The following ZBTB26 variants were observed in gnomAD, a reference collection of about 807,000 sequenced individuals.
The protein encoded by ZBTB26 is zinc finger and BTB domain-containing protein 26.
In ZBTB26, 12 loss-of-function variants were observed where a neutral mutation model predicts 31.6. The ratio of observed to expected loss-of-function variants is 0.38; its 90% CI spans 0.24 to 0.61. The LOEUF (loss-of-function observed/expected upper bound fraction) is 0.61. Ranked by LOEUF, ZBTB26 falls within the 20% of genes least tolerant of loss-of-function variation. ZBTB26 has a pLI of 0.60. For synonymous variants in ZBTB26, 155 were observed against 182.9 expected (o/e 0.85, Z 1.23); for missense variants, 311 against 521.9 (o/e 0.60, Z 3.94).
chr9:122,919,692 C>T lies in ZBTB26; in HGVS notation c.243G>A (p.Gly81=). The change falls in exon 2 of 2, where the codon GGG becomes GGA. Residue 81 remains glycine (G), a synonymous_variant. Transcript: ENST00000373656. This position sits in a 1 kb window ranked among gnomAD's most constrained non-coding sequence, Gnocchi z 6.1. ...KISILQSSEV[G]RQLLLSCYSG... ...TATAACAGGATAAGAGCAATTGTCT[C>T]CCCACTTCGGAACTCTGTAATATGG... 9.9e-6 allele frequency: 16 copies of T among 1,614,178 alleles called. No individual in the cohort carries two copies. The highest frequency in any genetic ancestry group is 1.2e-5 in the Non-Finnish European group (14 of 1,180,024).
chr9:122,929,296 A>C (rs1227964166), intron 1 of ZBTB26, among the ~76,000 whole-genome samples: 4 of 152,208 alleles, frequency 2.6e-5, no homozygotes, highest in Non-Finnish European at 4.4e-5. Context: ...GAAAGAAATA[A>C]AAAACATATC....
rs1833026434 is a variant in ZBTB26, at chr9:122,917,183, C to T, written c.*1426G>A. 1 of 152,168 alleles carries T rather than the reference C, an allele frequency of 6.6e-6. No individual in the cohort carries two copies. Among genetic ancestry groups the T allele is most frequent in the Non-Finnish European group, 1.5e-5 (1 of 68,018 alleles). The allele number at this position is 152,168 out of a possible 1,614,324, so 9.4% of individuals were successfully genotyped here. A position where few individuals can be genotyped will look rare whatever the true frequency, so the allele number is the denominator to read the frequency against. ...ACAAAGGGGAAACACAAACTAGGAG[C>T]TTTTTGCTAATGCATTATTCTTCAT... On this transcript the variant is annotated 3_prime_UTR_variant, in exon 2 of 2. Transcript: ENST00000373656.
chr9:122,918,655 G>A lies in ZBTB26; in HGVS notation c.1280C>T (p.Ala427Val), dbSNP rs753051150. 1.9e-6 allele frequency: 3 copies of A among 1,614,170 alleles called. No individual in the cohort carries two copies. Among genetic ancestry groups the A allele is most frequent in the Non-Finnish European group, 1.7e-6 (2 of 1,180,014 alleles). ...ATTTCTTAAGTTCAGGACAGCTTGG[G>A]CCAGTTTACCTGCATCCAGGACCTG... ...ATQVLDAGKL[A>V]QAVLNLRNDS... The change falls in exon 2 of 2, where the codon GCC becomes GTC. Residue 427 changes from alanine (A) to valine (V), a missense_variant. This residue lies in a region of ZBTB26 where 49 missense variants were observed against 66.0 expected (regional missense o/e 0.74). Transcript: ENST00000373656.
chr9:122,918,596 A>G lies in ZBTB26; in HGVS notation c.*13T>C, dbSNP rs558635862. 64 of 1,601,300 alleles carry G rather than the reference A, an allele frequency of 4.0e-5. No individual in the cohort carries two copies. The South Asian group carries it at 6.0e-4, about 15-fold the overall frequency. ...TTGTCAGTCAGTTCGAGTTGTGAGC[A>G]TGAAGCCCCTACTCAATTCACACAA... On this transcript the variant is annotated 3_prime_UTR_variant, in exon 2 of 2. Coordinates refer to ENST00000373656, the MANE Select transcript of ZBTB26 (RefSeq NM_020924.4).
At chr9:122,925,411 G>A (rs1251137117) in intron 1 of ZBTB26, among the ~76,000 whole-genome samples, 2 of 152,050 alleles carry the variant, frequency 1.3e-5, no homozygotes, top group Admixed American at 6.6e-5. Context: ...CCATTTAATC[G>A]TGAAAATTTC....
At chr9:122,924,987 G>C (rs942325062) in intron 1 of ZBTB26, among the ~76,000 whole-genome samples, 1 of 152,104 alleles carries the variant, frequency 6.6e-6, no homozygotes, top group Non-Finnish European at 1.5e-5. Flanking sequence ...GTTAAAAAAA[G>C]TTTCTTATGA....
Position 122,918,914 on chromosome 9 carries a change from A to G in ZBTB26, c.1021T>C (p.Leu341=). 1 of 1,614,220 alleles carries G rather than the reference A, an allele frequency of 6.2e-7. No homozygotes were observed. Among genetic ancestry groups the G allele is most frequent in the Non-Finnish European group, 8.5e-7 (1 of 1,180,030 alleles). The change falls in exon 2 of 2, where the codon TTA becomes CTA. Residue 341 remains leucine, a synonymous_variant. Coordinates refer to ENST00000373656, the MANE Select transcript of ZBTB26 (RefSeq NM_020924.4). ...CTGTGAAGGTTAAGATGATCCTGTA[A>G]GGAACACTTCTGAGAAAAGGTTTTC... The part of the protein sequence containing the change: ...CGKTFSQKCS[L]QDHLNLHSGD...
chr9:122,919,248 T>TA lies in ZBTB26; in HGVS notation c.686dup (p.Ser230LysfsTer2). 6.2e-7 allele frequency: 1 copy of TA among 1,614,254 alleles called. No individual in the cohort carries two copies. The highest frequency in any genetic ancestry group is 8.5e-7 in the Non-Finnish European group (1 of 1,180,050). ...GGAGATGGTTTTGTTCTATTTCACT[T>TA]ACTCTGTTTTCCACAGTTGAATTTA... On this transcript the variant is annotated frameshift_variant, in exon 2 of 2. Transcript: ENST00000373656. LOFTEE classifies it high-confidence loss of function. The surrounding 1 kb of genome is among the most constrained non-coding windows in gnomAD (Gnocchi z 6.1).
At chr9:122,929,932 T>G (rs1456489135) in intron 1 of ZBTB26, among the ~76,000 whole-genome samples, 2 of 152,210 alleles carry the variant, frequency 1.3e-5, no homozygotes. Context: ...GCTGTAACCC[T>G]GCACTCCTAC....
chr9:122,921,906 G>A (rs1437583512), intron 1 of ZBTB26, among the ~76,000 whole-genome samples: 8 of 151,078 alleles, frequency 5.3e-5, no homozygotes, highest in African/African-American at 1.2e-4. Flanking sequence ...ACTCCAGCCT[G>A]GGCAACAAGA....
Position 122,918,603 on chromosome 9 carries a change from C to G in ZBTB26, c.*6G>C, listed in dbSNP as rs779814178. 3 of 1,607,124 alleles carry G rather than the reference C, an allele frequency of 1.9e-6. No individual in the cohort carries two copies. The South Asian group carries it at 3.3e-5, about 18-fold the overall frequency. ...TCAGTTCGAGTTGTGAGCATGAAGCCCCTACTCAATTCACACAAGTACTAT... is the reference window on the plus strand; with the variant it reads ...TCAGTTCGAGTTGTGAGCATGAAGCGCCTACTCAATTCACACAAGTACTAT... On this transcript the variant is annotated 3_prime_UTR_variant, in exon 2 of 2. Transcript: ENST00000373656.
At chr9:122,930,167 G>C (rs571029807) in intron 1 of ZBTB26, among the ~76,000 whole-genome samples, 2 of 152,246 alleles carry the variant, frequency 1.3e-5, no homozygotes, top group East Asian at 3.9e-4. Flanking sequence ...ATGCTGGACA[G>C]CTCTATGTGT....
chr9:122,916,819 A>G lies in ZBTB26; in HGVS notation c.*1790T>C, dbSNP rs1169439673. The G allele has an allele frequency of 6.6e-6, 1 of 152,248 alleles. No homozygotes were observed. Among genetic ancestry groups the G allele is most frequent in the Non-Finnish European group, 1.5e-5 (1 of 68,040 alleles). 9.4% of individuals were successfully genotyped at this position (152,248 alleles called of 1,614,324 possible). A position where few individuals can be genotyped will look rare whatever the true frequency, so the allele number is the denominator to read the frequency against. On this transcript the variant is annotated 3_prime_UTR_variant, in exon 2 of 2. Coordinates refer to ENST00000373656, the MANE Select transcript of ZBTB26 (RefSeq NM_020924.4). The stretch of plus-strand genomic sequence containing the variant: ...CTCACATGATGATAATTTACATATG[A>G]TAACAATGATACATGTAAACGTATC...
chr9:122,918,333 G>A lies in ZBTB26; in HGVS notation c.*276C>T. 1 of 407,254 alleles carries A rather than the reference G, an allele frequency of 2.5e-6. No individual in the cohort carries two copies. Among genetic ancestry groups the A allele is most frequent in the Non-Finnish European group, 4.4e-6 (1 of 227,002 alleles). The allele number at this position is 407,254 out of a possible 1,614,324, so 25.2% of individuals were successfully genotyped here. A position where few individuals can be genotyped will look rare whatever the true frequency, so the allele number is the denominator to read the frequency against. ...AAAGCCTAAAACAGTGTCAGTCTAA[G>A]ACATAAGTCAATGTTAGGTAGACAA... is the stretch of plus-strand genomic sequence containing the variant. On this transcript the variant is annotated 3_prime_UTR_variant, in exon 2 of 2. Coordinates refer to ENST00000373656, the MANE Select transcript of ZBTB26 (RefSeq NM_020924.4).
intron 1 of ZBTB26, among the ~76,000 whole-genome samples, chr9:122,920,978 A>C (rs1316665789): frequency 6.6e-6 from 1 of 152,170 alleles, no homozygotes; most frequent in East Asian, 1.9e-4. Context: ...ACCCCTGCCT[A>C]AACTCCTTCA....
rs1326245485 is a variant in ZBTB26 at position 122,916,592 on chromosome 9, G to A, written c.*2017C>T. The A allele has an allele frequency of 6.6e-6, 1 of 152,162 alleles. No individual in the cohort carries two copies. The highest frequency in any genetic ancestry group is 1.5e-5 in the Non-Finnish European group (1 of 68,026). The allele number at this position is 152,162 out of a possible 1,614,324, so 9.4% of individuals were successfully genotyped here. ...TTGACAGAAAATACCAAAAAATGCT[G>A]TTTGGTTGACAGGGTAGAGTCTCAC... is the stretch of plus-strand genomic sequence containing the variant. On this transcript the variant is annotated 3_prime_UTR_variant, in exon 2 of 2. Transcript: ENST00000373656.
At position 122,918,437 on chromosome 9, in the gene ZBTB26, T is replaced by A. The variant is rs534372950; in HGVS notation, c.*172A>T. 1.8e-5 allele frequency: 17 copies of A among 935,260 alleles called. No individual in the cohort carries two copies. The Admixed American group carries it at 3.7e-4, about 20-fold the overall frequency. 57.9% of individuals were successfully genotyped at this position (935,260 alleles called of 1,614,324 possible). ...AACAGAAAATGGGAGAGGGCAAAAG[T>A]AAGGCAAATCCACTCCAAGTGGTAA... On this transcript the variant is annotated 3_prime_UTR_variant, in exon 2 of 2. Transcript: ENST00000373656.
At position 122,918,499 on chromosome 9, in the gene ZBTB26, C is replaced by A. The variant is rs542757134; in HGVS notation, c.*110G>T. 2 of 1,486,794 alleles carry A rather than the reference C, an allele frequency of 1.3e-6. No homozygotes were observed. Among genetic ancestry groups the A allele is most frequent in the Middle Eastern group, 4.6e-4 (2 of 4,336 alleles). The allele number at this position is 1,486,794 out of a possible 1,614,324, so 92.1% of individuals were successfully genotyped here. On this transcript the variant is annotated 3_prime_UTR_variant, in exon 2 of 2. Coordinates refer to ENST00000373656, the MANE Select transcript of ZBTB26 (RefSeq NM_020924.4). ...TATTAGTGCTTTGACTCACTCCCTACCACCTACACAGAGGCTTTGGAGAAG... is the reference window on the plus strand; with the variant it reads ...TATTAGTGCTTTGACTCACTCCCTAACACCTACACAGAGGCTTTGGAGAAG...
chr9:122,924,799 T>C (rs1370766939), intron 1 of ZBTB26, among the ~76,000 whole-genome samples: 3 of 152,100 alleles, frequency 2.0e-5, no homozygotes, highest in Non-Finnish European at 1.5e-5. Context: ...CTAATGTTTT[T>C]ATTTTTTGTA....
Sources: gnomAD v4.1 joint callset for allele counts (sites outside exome capture counted in the v4.1 genomes callset) on GRCh38, gnomAD v4.1.1 for gene constraint, gnomAD v4.1.1 regional missense constraint, Gnocchi (gnomAD v3.1) non-coding constraint, MANE v1.5 for transcripts, NCBI Gene and HGNC (gene_info 2026-07-23, HGNC 2026-07-21) for gene names.